The following SGCD variants were observed in gnomAD, a reference collection of about 807,000 sequenced individuals.
SGCD encodes delta-sarcoglycan.
A neutral mutation model predicts 36.6 loss-of-function variants in SGCD; 18 were observed. The ratio of observed to expected loss-of-function variants is 0.49; its 90% CI spans 0.34 to 0.73. The LOEUF (loss-of-function observed/expected upper bound fraction) is 0.73, where lower values mean the gene tolerates loss of function less well. Ranked by LOEUF, SGCD falls within the 30% of genes least tolerant of loss-of-function variation. The pLI, the probability that SGCD is intolerant of heterozygous loss-of-function variation, is 0.01. For synonymous variants in SGCD, 133 were observed against 130.6 expected (o/e 1.02, Z -0.12); for missense variants, 387 against 346.7 (o/e 1.12, Z -0.92).
intron 3 of SGCD, among the ~76,000 whole-genome samples, chr5:156,426,218 A>G (rs1427780691): frequency 6.6e-6 from 1 of 152,062 alleles, no homozygotes; most frequent in Admixed American, 6.6e-5. Context: ...CCATGCAAAT[A>G]TCTATTATTT....
intron 2 of SGCD, among the ~76,000 whole-genome samples, chr5:156,331,374 G>A (rs4705004): frequency 0.21 from 31,849 of 152,118 alleles, 3,531 homozygotes; most frequent in Middle Eastern, 0.27. Context: ...ACATGTCACC[G>A]TGGTTCACTT....
chr5:155,968,215 A>T (rs1463744494), intron 1 of SGCD, among the ~76,000 whole-genome samples: 1 of 152,118 alleles, frequency 6.6e-6, no homozygotes, highest in African/African-American at 2.4e-5. Flanking sequence ...AGTTTTCTAA[A>T]TGGTAATTGC....
intron 1 of SGCD, among the ~76,000 whole-genome samples, chr5:155,996,839 G>T (rs35060941): frequency 2.0e-5 from 3 of 148,750 alleles, no homozygotes; most frequent in Non-Finnish European, 4.5e-5. Context: ...GCTGCCAAAT[G>T]GTAAATCTGA....
At chr5:156,562,629 T>C (rs951680495) in intron 4 of SGCD, among the ~76,000 whole-genome samples, 3 of 152,072 alleles carry the variant, frequency 2.0e-5, no homozygotes, top group Admixed American at 6.6e-5. Context: ...TTGACTTATA[T>C]ATATATATTT....
intron 7 of SGCD, among the ~76,000 whole-genome samples, chr5:156,673,336 A>G (rs942456745): frequency 2.6e-5 from 4 of 152,182 alleles, no homozygotes; most frequent in African/African-American, 7.2e-5. Context: ...TTAAAACTTC[A>G]CATTCCTTTT....
At chr5:156,212,775 G>T (rs1176443756) in intron 3 of SGCD, among the ~76,000 whole-genome samples, 3 of 152,042 alleles carry the variant, frequency 2.0e-5, no homozygotes, top group African/African-American at 7.2e-5. Flanking sequence ...ATGCATTTAA[G>T]AAGATTGAAA....
intron 3 of SGCD, among the ~76,000 whole-genome samples, chr5:156,200,986 C>G (rs1008844351): frequency 5.3e-5 from 8 of 152,002 alleles, no homozygotes; most frequent in African/African-American, 1.9e-4. Flanking sequence ...CAAAATAAGC[C>G]AATCACAAAA....
chr5:156,124,194 C>T (rs1295714508), intron 3 of SGCD, among the ~76,000 whole-genome samples: 1 of 152,038 alleles, frequency 6.6e-6, no homozygotes, highest in Non-Finnish European at 1.5e-5. Context: ...GGATGTGTTA[C>T]CACAGGTAAA....
chr5:156,219,668 A>G (rs1183929321), intron 3 of SGCD, among the ~76,000 whole-genome samples: 1 of 152,220 alleles, frequency 6.6e-6, no homozygotes, highest in African/African-American at 2.4e-5. Context: ...TAGAAGCCAA[A>G]GCCTTAGCGC....
chr5:156,259,433 T>TA (rs1241407166), intron 3 of SGCD, among the ~76,000 whole-genome samples: 1 of 152,144 alleles, frequency 6.6e-6, no homozygotes, highest in Non-Finnish European at 1.5e-5. Flanking sequence ...CTTAATGGTG[T>TA]CTTTTACTGA....
intron 1 of SGCD, among the ~76,000 whole-genome samples, chr5:155,880,070 A>G (rs1253041147): frequency 1.3e-5 from 2 of 152,180 alleles, no homozygotes; most frequent in Non-Finnish European, 2.9e-5. Context: ...CGCAGCCACT[A>G]TGCAGAATTT....
Position 156,228,330 on chromosome 5 carries a change from G to T in SGCD, c.-43-101204G>T, listed in dbSNP as rs182911375. 2.6e-5 allele frequency among the ~76,000 whole-genome samples: 4 copies of T among 152,110 alleles called. No homozygotes were observed. The East Asian group carries it at 7.7e-4, about 29-fold the overall frequency. ...ATAAATTTGGGATCTCCAGTGTTAGGTGCATATATGTTTAGGAATGTGATA... is the reference window on the plus strand; with the variant it reads ...ATAAATTTGGGATCTCCAGTGTTAGTTGCATATATGTTTAGGAATGTGATA... On this transcript the variant is annotated intron_variant, in intron 3 of 9. Coordinates refer to the SGCD transcript ENST00000517913.
At chr5:155,965,524 A>G (rs1303225697) in intron 1 of SGCD, among the ~76,000 whole-genome samples, 1 of 152,118 alleles carries the variant, frequency 6.6e-6, no homozygotes, top group African/African-American at 2.4e-5. Context: ...CTAACTCAGC[A>G]TTACACTGAA....
At chr5:156,718,877 A>G (rs1040529427) in intron 7 of SGCD, among the ~76,000 whole-genome samples, 1 of 150,786 alleles carries the variant, frequency 6.6e-6, no homozygotes, top group Non-Finnish European at 1.5e-5. Flanking sequence ...CCAGCTACGT[A>G]TTATATTATA....
intron 3 of SGCD, among the ~76,000 whole-genome samples, chr5:156,441,819 T>C (rs866209452): frequency 6.6e-6 from 1 of 152,150 alleles, no homozygotes; most frequent in Non-Finnish European, 1.5e-5. Flanking sequence ...CATGAAACCT[T>C]GGGGGTTAAT....
chr5:156,591,363 G>A (rs1760716896), intron 5 of SGCD, among the ~76,000 whole-genome samples: 1 of 152,216 alleles, frequency 6.6e-6, no homozygotes, highest in Non-Finnish European at 1.5e-5. Flanking sequence ...TACTTCACAT[G>A]ATAGTTAAGT....
chr5:156,301,307 T>G (rs1464954645), intron 3 of SGCD, among the ~76,000 whole-genome samples: 2 of 152,066 alleles, frequency 1.3e-5, no homozygotes. Context: ...CATAACAAGT[T>G]TAACCCATTA....
At chr5:156,637,736 C>A (rs574179857) in intron 6 of SGCD, among the ~76,000 whole-genome samples, 1 of 152,172 alleles carries the variant, frequency 6.6e-6, no homozygotes, top group South Asian at 2.1e-4. Flanking sequence ...ACATGCTGGC[C>A]ATACTGGGGA....
the SGCD span, among the ~76,000 whole-genome samples, chr5:155,796,249 T>C: frequency 1.3e-5 from 2 of 152,158 alleles, no homozygotes; most frequent in Non-Finnish European, 2.9e-5. Context: ...TTATTCAGAT[T>C]ATATAATCTG....
Sources: gnomAD v4.1 joint callset for allele counts (sites outside exome capture counted in the v4.1 genomes callset) on GRCh38, gnomAD v4.1.1 for gene constraint, MANE v1.5 for transcripts, NCBI Gene and HGNC (gene_info 2026-07-23, HGNC 2026-07-21) for gene names.